Variants in ART3 observed in about 807,000 individuals in gnomAD.
ART3 encodes the protein ADP-ribosyltransferase 3 (inactive).
A neutral mutation model predicts 48.5 loss-of-function variants in ART3; 49 were observed. The ratio of observed to expected loss-of-function variants is 1.01; its 90% CI spans 0.80 to 1.28. The LOEUF (loss-of-function observed/expected upper bound fraction) is 1.28. Ranked by LOEUF, ART3 falls within the 50% of genes most tolerant of loss-of-function variation. The pLI is 0.00. For missense variants in ART3, 438 were observed against 454.3 expected, an observed-to-expected ratio of 0.96 and a Z score of 0.33; for synonymous variants, 145 against 157.2, an observed-to-expected ratio of 0.92 and a Z score of 0.58.
intron 1 of ART3, 124 bp from the exon 2 acceptor site, chr4:76,075,757 A>G: frequency 1.5e-6 from 1 of 674,188 alleles, no homozygotes. Context: ...ATTGATAATC[A>G]CTTCCTGACC....
chr4:76,035,236 G>A (rs1734262454), intron 1 of ART3: 1 of 1,614,098 alleles, frequency 6.2e-7, no homozygotes, highest in Non-Finnish European at 8.5e-7. Flanking sequence ...TTTTGTCACA[G>A]TTGTTACTTG....
At chr4:76,068,662 TA>T (rs56814198) in intron 1 of ART3, among the ~76,000 whole-genome samples, 52,530 of 147,830 alleles carry the variant, frequency 0.36, 10,404 homozygotes, top group African/African-American at 0.54. Context: ...GGATAGAGGA[TA>T]AAAAAAAAAA....
intron 1 of ART3, chr4:76,022,742 T>A: frequency 6.2e-7 from 1 of 1,613,822 alleles, no homozygotes; most frequent in Non-Finnish European, 8.5e-7. Flanking sequence ...TTCAAGTTTT[T>A]CTAAAGACCT....
intron 1 of ART3, chr4:76,035,394 C>T: frequency 6.3e-7 from 1 of 1,587,586 alleles, no homozygotes; most frequent in Non-Finnish European, 8.6e-7. Context: ...CAACAGATGG[C>T]TGTGGTTTAT....
rs186419983 is a variant in ART3 at position 76,049,454 on chromosome 4, G to A, written c.-9-26427G>A. Among the ~76,000 whole-genome samples, 1,331 of 151,816 alleles carry A rather than the reference G, an allele frequency of 8.8e-3. 16 individuals carry two copies. Among genetic ancestry groups the A allele is most frequent in the Middle Eastern group, 0.027 (8 of 294 alleles). On this transcript the variant is annotated intron_variant, in intron 1 of 9. Coordinates refer to the ART3 transcript ENST00000341029. ...GAGCTGCATGGCTTTCCTCTCTGTC[G>A]ACCCTCGGCTCAGCCCAGAAGTACA...
At chr4:76,099,358 C>A in intron 5 of ART3, 2 of 235,472 alleles carry the variant, frequency 8.5e-6, no homozygotes, top group Non-Finnish European at 1.7e-5. Context: ...TCTTGTTTAG[C>A]AAATGTATTT....
Position 76,100,327 on chromosome 4 carries a change from C to G in ART3, c.877+7C>G, listed in dbSNP as rs1045155588. The G allele has an allele frequency of 6.2e-7, 1 of 1,611,914 alleles. No homozygotes were observed. Among genetic ancestry groups the G allele is most frequent in the Non-Finnish European group, 8.5e-7 (1 of 1,178,672 alleles). ...CAGAAGCTTGAAGACCATAGTAAGACATTTTTATAAATTCTGGGGGCTTGG... is the reference window on the plus strand; with the variant it reads ...CAGAAGCTTGAAGACCATAGTAAGAGATTTTTATAAATTCTGGGGGCTTGG... On this transcript the variant is annotated splice_region_variant and intron_variant, in intron 6 of 11. Transcript: ENST00000355810.
intron 1 of ART3, among the ~76,000 whole-genome samples, chr4:76,036,502 G>A (rs2149410900): frequency 6.6e-6 from 1 of 151,894 alleles, no homozygotes; most frequent in East Asian, 1.9e-4. Context: ...AATAGATAAG[G>A]CCTATATTAT....
At chr4:76,093,330 G>A (rs1373626492) in intron 3 of ART3, among the ~76,000 whole-genome samples, 1 of 152,160 alleles carries the variant, frequency 6.6e-6, no homozygotes, top group Non-Finnish European at 1.5e-5. Flanking sequence ...GTGATGGGCT[G>A]AGATGGGAGG....
intron 1 of ART3, among the ~76,000 whole-genome samples, chr4:76,060,070 A>G (rs1399161145): frequency 6.6e-5 from 10 of 152,122 alleles, no homozygotes; most frequent in Non-Finnish European, 1.5e-4. Context: ...CTTCCATCTC[A>G]TCCTGTTGCC....
chr4:76,035,204 T>C, intron 1 of ART3: 1 of 1,614,080 alleles, frequency 6.2e-7, no homozygotes, highest in Non-Finnish European at 8.5e-7. Flanking sequence ...CTTCAGCAAG[T>C]TCATTACTTA....
At chr4:76,110,756 TTAAA>T (rs553763970) in intron 11 of ART3, among the ~76,000 whole-genome samples, 409 of 152,288 alleles carry the variant, frequency 2.7e-3, no homozygotes, top group Non-Finnish European at 4.0e-3. Context: ...TGGATTTTTT[TTAAA>T]TAAATATATT....
At chr4:76,110,262 T>C (rs1729233033) in intron 11 of ART3, among the ~76,000 whole-genome samples, 1 of 152,228 alleles carries the variant, frequency 6.6e-6, no homozygotes, top group Non-Finnish European at 1.5e-5. Flanking sequence ...GTACAACAAC[T>C]ACTTGCATTT....
intron 1 of ART3, chr4:76,022,448 T>C (rs562734842): frequency 1.2e-6 from 2 of 1,612,768 alleles, no homozygotes; most frequent in Admixed American, 1.7e-5. Context: ...TTCTTTTTCA[T>C]TGTAGCACTG....
In ART3 at chr4:76,047,011, C is replaced by T. The variant is rs756220146; in HGVS notation, c.-9-28870C>T. On this transcript the variant is annotated intron_variant, in intron 1 of 9. Transcript: ENST00000341029. ...TGATGACATGAGCTGGCACTTGCCC[C>T]GGGCACCCTCAGTCCTGTTGTCGCA... 9.2e-5 allele frequency among the ~76,000 whole-genome samples: 14 copies of T among 152,022 alleles called. 1 individual carries two copies. Among genetic ancestry groups the T allele is most frequent in the Admixed American group, 4.6e-4 (7 of 15,256 alleles).
At chr4:76,071,178 C>T (rs373575763), upstream of ART3, among the ~76,000 whole-genome samples, 2 of 151,874 alleles carry the variant, frequency 1.3e-5, no homozygotes, top group South Asian at 2.1e-4. Flanking sequence ...GGTGAAACCC[C>T]GTCTCTAGTA....
chr4:76,074,689 A>G (rs540040971), upstream of ART3: 1 of 152,314 alleles, frequency 6.6e-6, no homozygotes, highest in Non-Finnish European at 1.5e-5. Flanking sequence ...TTATAAAAAG[A>G]AAAGCATTCC....
At chr4:76,036,659 A>G (rs1734441772) in intron 1 of ART3, 1 of 118,742 alleles carries the variant, frequency 8.4e-6, no homozygotes, top group Admixed American at 1.0e-4. Context: ...GTTTTGCTTT[A>G]TTTTATTTTT....
intron 1 of ART3, among the ~76,000 whole-genome samples, chr4:76,015,500 T>C (rs917041495): frequency 9.9e-5 from 15 of 152,104 alleles, no homozygotes; most frequent in African/African-American, 3.4e-4. Flanking sequence ...AATGGAGAAA[T>C]TGAGGAACAA....
Sources: gnomAD v4.1 joint callset for allele counts (sites outside exome capture counted in the v4.1 genomes callset) on GRCh38, gnomAD v4.1.1 for gene constraint, MANE v1.5 for transcripts, NCBI Gene and HGNC (gene_info 2026-07-23, HGNC 2026-07-21) for gene names.